NKAIN3: variants seen among roughly 807,000 people sequenced by gnomAD.
NKAIN3 encodes the protein sodium/potassium transporting ATPase interacting 3, also known as sodium/potassium-transporting ATPase subunit beta-1-interacting protein 3.
Under a neutral mutation model 30.2 loss-of-function variants are expected in NKAIN3, and 25 were observed. The ratio of observed to expected loss-of-function variants is 0.83; its 90% CI spans 0.60 to 1.16. The LOEUF (loss-of-function observed/expected upper bound fraction) is 1.16. NKAIN3 is among the 50% of genes most tolerant of loss of function. The pLI, the probability that NKAIN3 is intolerant of heterozygous loss-of-function variation, is 0.00. For synonymous variants in NKAIN3, 91 were observed against 89.6 expected (o/e 1.02, Z -0.09); for missense variants, 225 against 254.1 (o/e 0.89, Z 0.78).
chr8:62,255,378 G>A (rs2129387619), intron 1 of NKAIN3, among the ~76,000 whole-genome samples: 1 of 152,268 alleles, frequency 6.6e-6, no homozygotes, highest in Non-Finnish European at 1.5e-5. Context: ...GTGAGCCAGG[G>A]ATTGCTGGCA....
At chr8:62,311,126 A>C (rs1484126300) in intron 1 of NKAIN3, among the ~76,000 whole-genome samples, 1 of 150,652 alleles carries the variant, frequency 6.6e-6, no homozygotes, top group Non-Finnish European at 1.5e-5. Context: ...AAACAAACAA[A>C]GCCAAAAAAT....
intron 1 of NKAIN3, among the ~76,000 whole-genome samples, chr8:62,249,687 C>A (rs1447303895): frequency 6.6e-6 from 1 of 152,100 alleles, no homozygotes; most frequent in Non-Finnish European, 1.5e-5. Context: ...GGAGATCAGG[C>A]TGTGTGCTTC....
chr8:62,896,862 C>T (rs1821442743), intron 4 of NKAIN3, among the ~76,000 whole-genome samples: 1 of 152,134 alleles, frequency 6.6e-6, no homozygotes, highest in African/African-American at 2.4e-5. Flanking sequence ...AGAGAGCAAT[C>T]TCAGCAGAAA....
At chr8:62,843,530 T>C (rs1191568156) in intron 4 of NKAIN3, among the ~76,000 whole-genome samples, 1 of 151,824 alleles carries the variant, frequency 6.6e-6, no homozygotes, top group Non-Finnish European at 1.5e-5. Flanking sequence ...AAAGACGGTT[T>C]CACCATGTTG....
At chr8:62,499,406 C>A (rs1807346047) in intron 1 of NKAIN3, among the ~76,000 whole-genome samples, 1 of 152,008 alleles carries the variant, frequency 6.6e-6, no homozygotes, top group Non-Finnish European at 1.5e-5. Context: ...ATTTTCTGTT[C>A]TTTTTGATGC....
chr8:62,391,543 A>G (rs1240353114), intron 1 of NKAIN3, among the ~76,000 whole-genome samples: 1 of 151,974 alleles, frequency 6.6e-6, no homozygotes, highest in Non-Finnish European at 1.5e-5. Context: ...TAATATGGGC[A>G]CAATGAAAGA....
chr8:62,916,771 T>C (rs1014285724), intron 4 of NKAIN3, among the ~76,000 whole-genome samples: 13 of 152,264 alleles, frequency 8.5e-5, no homozygotes, highest in Admixed American at 7.8e-4. Context: ...TTCCTCTGCG[T>C]TATCGTGGGG....
chr8:62,845,133 G>T (rs930731196), intron 4 of NKAIN3, among the ~76,000 whole-genome samples: 13 of 151,428 alleles, frequency 8.6e-5, no homozygotes, highest in Non-Finnish European at 1.3e-4. Context: ...TCATGTGTTG[G>T]ATTTTTTTAG....
intron 3 of NKAIN3, among the ~76,000 whole-genome samples, chr8:62,646,849 A>C (rs1026254883): frequency 1.3e-5 from 2 of 152,178 alleles, no homozygotes. Context: ...CAATCACAAA[A>C]TAAAAACTCC....
At chr8:62,878,560 G>T (rs184937878) in intron 4 of NKAIN3, among the ~76,000 whole-genome samples, 91 of 151,922 alleles carry the variant, frequency 6.0e-4, no homozygotes, top group African/African-American at 2.1e-3. Context: ...CATGTGCAAC[G>T]TGCAGGTTTG....
Position 62,652,284 on chromosome 8 carries a change from C to G in NKAIN3, c.273+62490C>G, listed in dbSNP as rs1352931693. On this transcript the variant is annotated intron_variant, in intron 3 of 6. Transcript: ENST00000623646. ...GGCAGATCCACAATGTCATTCAACA[C>G]TTTATGTGATATTATCTCAATAACT... 2.0e-5 allele frequency among the ~76,000 whole-genome samples: 3 copies of G among 152,124 alleles called. 1 individual carries two copies. The South Asian group carries it at 6.2e-4, about 31-fold the overall frequency.
chr8:62,285,627 A>G (rs928876078), intron 1 of NKAIN3, among the ~76,000 whole-genome samples: 1 of 152,116 alleles, frequency 6.6e-6, no homozygotes, highest in African/African-American at 2.4e-5. Flanking sequence ...CTGTGTGAGC[A>G]TAGCTGGTAT....
At chr8:62,951,938 T>C (rs1823294103) in intron 5 of NKAIN3, among the ~76,000 whole-genome samples, 1 of 152,108 alleles carries the variant, frequency 6.6e-6, no homozygotes, top group East Asian at 1.9e-4. Flanking sequence ...TAGCTGGGAT[T>C]AGAGGTGTGT....
Position 62,269,780 on chromosome 8 carries a change from T to TAATGCTCATTA in NKAIN3, c.54+20655_54+20665dup, listed in dbSNP as rs530136885. On this transcript the variant is annotated intron_variant, in intron 1 of 6. Transcript: ENST00000623646. The stretch of plus-strand genomic sequence containing the variant: ...CAACTTTGACTTGTGTGGCATTTGA[T>TAATGCTCATTA]AATGCTCATTAATGTTGCTGACATT... Among the ~76,000 whole-genome samples the TAATGCTCATTA allele has an allele frequency of 1.2e-3, 187 of 152,302 alleles. 1 individual carries two copies. The highest frequency in any genetic ancestry group is 4.4e-3 in the African/African-American group (183 of 41,586).
chr8:62,590,323 T>G (rs1055064774), intron 3 of NKAIN3, among the ~76,000 whole-genome samples: 1 of 151,872 alleles, frequency 6.6e-6, no homozygotes, highest in Non-Finnish European at 1.5e-5. Context: ...TTTGAAATTT[T>G]AATCACACAG....
At chr8:62,512,362 C>G (rs930114918) in intron 1 of NKAIN3, among the ~76,000 whole-genome samples, 2 of 152,052 alleles carry the variant, frequency 1.3e-5, no homozygotes, top group African/African-American at 4.8e-5. Flanking sequence ...TCTTTCTGCC[C>G]CAGTTTTCTC....
chr8:62,493,899 GT>G (rs954023507), intron 1 of NKAIN3, among the ~76,000 whole-genome samples: 3 of 152,082 alleles, frequency 2.0e-5, no homozygotes, highest in Non-Finnish European at 4.4e-5. Flanking sequence ...TGCTGAAGTT[GT>G]TTTTTAGATG....
chr8:62,700,068 T>C (rs1035723284), intron 3 of NKAIN3, among the ~76,000 whole-genome samples: 1 of 152,046 alleles, frequency 6.6e-6, no homozygotes, highest in African/African-American at 2.4e-5. Context: ...AAGGCTGCAG[T>C]GAACTATGAT....
intron 3 of NKAIN3, among the ~76,000 whole-genome samples, chr8:62,624,587 G>A (rs1811736054): frequency 6.6e-6 from 1 of 151,062 alleles, no homozygotes; most frequent in Middle Eastern, 3.4e-3. Flanking sequence ...TTGTTTGTTT[G>A]TTTGACGTTT....
Sources: gnomAD v4.1 joint callset for allele counts (sites outside exome capture counted in the v4.1 genomes callset) on GRCh38, gnomAD v4.1.1 for gene constraint, MANE v1.5 for transcripts, NCBI Gene and HGNC (gene_info 2026-07-23, HGNC 2026-07-21) for gene names.